Variants in STN1 observed in about 807,000 individuals in gnomAD.
The protein encoded by STN1 is CST complex subunit STN1.
In STN1, 29 loss-of-function variants were observed where a neutral mutation model predicts 45.5. The observed-to-expected ratio is 0.64, with a 90% CI of 0.47 to 0.87. The LOEUF (loss-of-function observed/expected upper bound fraction) is 0.87, where lower values mean the gene tolerates loss of function less well. Among genes scored for constraint, STN1 ranks in the 40% least tolerant of loss-of-function variants. STN1 has a pLI of 0.00. For synonymous variants in STN1, 148 were observed against 159.0 expected (o/e 0.93, Z 0.52); for missense variants, 376 against 441.4 (o/e 0.85, Z 1.33).
chr10:103,892,330 T>C (rs1359080556), intron 7 of STN1, 78 bp from the exon 8 acceptor site: 38 of 1,359,850 alleles, frequency 2.8e-5, no homozygotes, highest in Non-Finnish European at 3.4e-5. Context: ...CTAGACCAAC[T>C]GGTTCATGAA....
intron 7 of STN1, among the ~76,000 whole-genome samples, chr10:103,892,922 C>T (rs903064737): frequency 1.3e-5 from 2 of 152,182 alleles, no homozygotes; most frequent in African/African-American, 4.8e-5. Flanking sequence ...TGCTTCTTAT[C>T]CCCGAGGAAG....
intron 2 of STN1, among the ~76,000 whole-genome samples, chr10:103,912,378 G>A (rs921397468): frequency 3.9e-5 from 6 of 152,134 alleles, no homozygotes; most frequent in Admixed American, 6.5e-5. Context: ...CTTCTCCCAA[G>A]TTCTCACAAT....
chr10:103,904,539 C>G (rs767414617), intron 4 of STN1, among the ~76,000 whole-genome samples: 1 of 151,846 alleles, frequency 6.6e-6, no homozygotes, highest in Non-Finnish European at 1.5e-5. Context: ...ATTCACTATA[C>G]AATTTTAAAG....
intron 3 of STN1, among the ~76,000 whole-genome samples, chr10:103,908,576 G>A (rs1299751849): frequency 6.6e-6 from 1 of 152,180 alleles, no homozygotes; most frequent in Non-Finnish European, 1.5e-5. Flanking sequence ...AAGGAGAGGG[G>A]CAGTTCTCCA....
rs920991968 is a variant in STN1, at chr10:103,880,387, TCTG to T, written c.*2294_*2296del. On this transcript the variant is annotated 3_prime_UTR_variant, in exon 10 of 10. Coordinates refer to ENST00000224950, the MANE Select transcript of STN1 (RefSeq NM_024928.5). ...GGCAAACAGGAACAGAAGTTCCCAC[TCTG>T]CGTGGTGGGTTTCATCCAGGACCAG... Among the ~76,000 whole-genome samples, 5 of 152,230 alleles carry T rather than the reference TCTG, an allele frequency of 3.3e-5. No homozygotes were observed. Among genetic ancestry groups the T allele is most frequent in the African/African-American group, 1.2e-4 (5 of 41,460 alleles).
At chr10:103,885,663 T>C (rs555003267) in intron 9 of STN1, among the ~76,000 whole-genome samples, 1 of 152,300 alleles carries the variant, frequency 6.6e-6, no homozygotes, top group South Asian at 2.1e-4. Flanking sequence ...GCATTGGGAT[T>C]ATGGGAGTGA....
At chr10:103,909,543 C>CAT (rs200910801) in intron 3 of STN1, among the ~76,000 whole-genome samples, 2 of 125,126 alleles carry the variant, frequency 1.6e-5, no homozygotes, top group Admixed American at 8.7e-5. Context: ...TATATATGTA[C>CAT]ATATATATAT....
At chr10:103,912,649 T>C (rs953102637) in intron 2 of STN1, among the ~76,000 whole-genome samples, 3 of 152,218 alleles carry the variant, frequency 2.0e-5, no homozygotes, top group South Asian at 2.1e-4. Context: ...GGCTGAGGCA[T>C]GGTGCTGCTT....
In STN1 at chr10:103,902,593, G is replaced by A. The variant is rs905822462; in HGVS notation, c.296-2370C>T. On this transcript the variant is annotated intron_variant, in intron 4 of 9. Coordinates refer to ENST00000224950, the MANE Select transcript of STN1 (RefSeq NM_024928.5). ...ATCCCCTTTAACATTCGAATACTCA[G>A]GGCCAGGAAATCTTAACTTTGCTCA... 2.6e-5 allele frequency among the ~76,000 whole-genome samples: 4 copies of A among 152,168 alleles called. 1 individual carries two copies. The highest frequency in any genetic ancestry group is 2.6e-4 in the Admixed American group (4 of 15,290).
At chr10:103,891,082 C>T (rs1018777698) in intron 8 of STN1, among the ~76,000 whole-genome samples, 2 of 152,210 alleles carry the variant, frequency 1.3e-5, no homozygotes, top group Non-Finnish European at 2.9e-5. Context: ...ACTGTGTTGA[C>T]CAAAAGCTTA....
intron 2 of STN1, among the ~76,000 whole-genome samples, chr10:103,915,443 G>C (rs1038649990): frequency 6.6e-6 from 1 of 152,110 alleles, no homozygotes; most frequent in Non-Finnish European, 1.5e-5. Context: ...AGTGTGGTTC[G>C]AGAGGGCACC....
intron 9 of STN1, among the ~76,000 whole-genome samples, chr10:103,886,180 C>A (rs1461505954): frequency 1.3e-5 from 2 of 152,058 alleles, no homozygotes; most frequent in African/African-American, 4.8e-5. Context: ...AAAAAATGAA[C>A]CTGAGCTAAA....
At chr10:103,900,023 A>G (rs771588648) in intron 5 of STN1, 39 bp downstream of exon 5, 2 of 1,603,606 alleles carry the variant, frequency 1.2e-6, no homozygotes, top group East Asian at 4.5e-5. Context: ...ACGCACATCC[A>G]GAAAAACCAC....
chr10:103,893,354 G>A (rs1342833949), intron 7 of STN1, among the ~76,000 whole-genome samples: 1 of 152,032 alleles, frequency 6.6e-6, no homozygotes, highest in East Asian at 1.9e-4. Flanking sequence ...ATTTTTAGTA[G>A]AGACAGGGTT....
At position 103,881,130 on chromosome 10, in the gene STN1, C is replaced by T. The variant is rs191603012; in HGVS notation, c.*1554G>A. Among the ~76,000 whole-genome samples, 52 of 152,192 alleles carry T rather than the reference C, an allele frequency of 3.4e-4. No individual in the cohort carries two copies. The highest frequency in any genetic ancestry group is 5.5e-4 in the African/African-American group (23 of 41,498). On this transcript the variant is annotated 3_prime_UTR_variant, in exon 10 of 10. Transcript: ENST00000224950. ...ATAGTATTTCATTGTGCCCAAGAAC[C>T]GTAATTAACTTTTTCCCTATAGGTA...
chr10:103,908,840 T>A (rs1843261074), intron 3 of STN1, among the ~76,000 whole-genome samples: 1 of 152,116 alleles, frequency 6.6e-6, no homozygotes, highest in Admixed American at 6.5e-5. Context: ...TCAAACAGTC[T>A]CATTTATTTG....
intron 8 of STN1, 60 bp downstream of exon 8, chr10:103,892,070 T>A: frequency 7.6e-7 from 1 of 1,320,976 alleles, no homozygotes; most frequent in East Asian, 2.4e-5. Context: ...TATTCATAAG[T>A]AATAAATATA....
rs112573008 is a variant in STN1 at position 103,879,956 on chromosome 10, G to C, written c.*2728C>G. On this transcript the variant is annotated 3_prime_UTR_variant, in exon 10 of 10. Coordinates refer to ENST00000224950, the MANE Select transcript of STN1 (RefSeq NM_024928.5). ...AGGAGTGGCACAGGATTTTTTTCTC[G>C]GTCACTTTGCAAGCCAGGGACCTCT... Among the ~76,000 whole-genome samples the C allele has an allele frequency of 6.6e-6, 1 of 152,112 alleles. No homozygotes were observed. The highest frequency in any genetic ancestry group is 1.5e-5 in the Non-Finnish European group (1 of 68,008).
intron 2 of STN1, among the ~76,000 whole-genome samples, chr10:103,916,639 G>GA (rs1429141073): frequency 1.3e-5 from 2 of 152,102 alleles, no homozygotes; most frequent in East Asian, 3.8e-4. Context: ...AAATAGCAAA[G>GA]AAAGTTTAAC....
Sources: gnomAD v4.1 joint callset for allele counts (sites outside exome capture counted in the v4.1 genomes callset) on GRCh38, gnomAD v4.1.1 for gene constraint, MANE v1.5 for transcripts, NCBI Gene and HGNC (gene_info 2026-07-23, HGNC 2026-07-21) for gene names.